Variants in RGS21 observed in about 807,000 individuals in gnomAD.
RGS21 encodes the protein regulator of G protein signaling 21.
A neutral mutation model predicts 18.7 loss-of-function variants in RGS21; 19 were observed. The ratio of observed to expected loss-of-function variants is 1.01; its 90% CI spans 0.71 to 1.49. The LOEUF (loss-of-function observed/expected upper bound fraction) is 1.49, where lower values mean the gene tolerates loss of function less well. Ranked by LOEUF, RGS21 falls within the 40% of genes most tolerant of loss-of-function variation. RGS21 has a pLI of 0.00. For missense variants in RGS21, 194 were observed against 176.8 expected (o/e 1.10, Z -0.55); for synonymous variants, 56 against 57.8 (o/e 0.97, Z 0.14).
At chr1:192,351,326 T>A (rs1436051026) in intron 3 of RGS21, among the ~76,000 whole-genome samples, 2 of 152,080 alleles carry the variant, frequency 1.3e-5, no homozygotes, top group Admixed American at 1.3e-4. Context: ...TGAGATCGAG[T>A]TGGCCTATAT....
At chr1:192,318,304 T>C (rs1557971987) in intron 1 of RGS21, among the ~76,000 whole-genome samples, 1 of 152,100 alleles carries the variant, frequency 6.6e-6, no homozygotes, top group Non-Finnish European at 1.5e-5. Context: ...AGTAACACTA[T>C]TAATTACTTC....
chr1:192,348,663 T>A (rs1373180423), intron 3 of RGS21, among the ~76,000 whole-genome samples: 3 of 152,128 alleles, frequency 2.0e-5, no homozygotes, highest in Non-Finnish European at 4.4e-5. Flanking sequence ...TATAAAATAA[T>A]CATTTACAAA....
chr1:192,362,253 A>G (rs1416459739), intron 4 of RGS21, among the ~76,000 whole-genome samples: 1 of 152,132 alleles, frequency 6.6e-6, no homozygotes, highest in Non-Finnish European at 1.5e-5. Context: ...GGTAAAACTG[A>G]TTTAGTAATA....
At chr1:192,319,541 C>T (rs1028448632) in intron 1 of RGS21, among the ~76,000 whole-genome samples, 1 of 151,892 alleles carries the variant, frequency 6.6e-6, no homozygotes, top group African/African-American at 2.4e-5. Context: ...GCAACCTTAC[C>T]TCCATATTTT....
intron 1 of RGS21, among the ~76,000 whole-genome samples, chr1:192,329,025 AT>A (rs531445599): frequency 2.6e-5 from 4 of 151,938 alleles, no homozygotes; most frequent in East Asian, 1.9e-4. Context: ...TCCCATGAGA[AT>A]TTTTTTTCTT....
chr1:192,366,363 T>C lies in RGS21; in HGVS notation c.*239T>C. On this transcript the variant is annotated 3_prime_UTR_variant, in exon 5 of 5. Coordinates refer to ENST00000417209, the MANE Select transcript of RGS21 (RefSeq NM_001039152.3). ...ACAAAGAAAGTTTATAGAGATACAA[T>C]ATAGTCTTAAACCAAAACTGAATAT... 7.8e-6 allele frequency: 3 copies of C among 385,420 alleles called. No individual in the cohort carries two copies. Among genetic ancestry groups the C allele is most frequent in the Non-Finnish European group, 1.4e-5 (3 of 214,458 alleles). 23.9% of individuals were successfully genotyped at this position (385,420 alleles called of 1,614,324 possible).
intron 4 of RGS21, among the ~76,000 whole-genome samples, chr1:192,364,951 G>C (rs1010174401): frequency 6.6e-6 from 1 of 151,910 alleles, no homozygotes; most frequent in Non-Finnish European, 1.5e-5. Flanking sequence ...TGGCCAACAT[G>C]GTGAAACCCC....
chr1:192,340,593 C>T (rs1255447014), intron 1 of RGS21, among the ~76,000 whole-genome samples: 1 of 152,074 alleles, frequency 6.6e-6, no homozygotes, highest in African/African-American at 2.4e-5. Context: ...AACTTACTTG[C>T]TTAAACAATA....
At chr1:192,360,876 G>C (rs983881704) in intron 4 of RGS21, among the ~76,000 whole-genome samples, 1 of 151,950 alleles carries the variant, frequency 6.6e-6, no homozygotes, top group South Asian at 2.1e-4. Flanking sequence ...CCTTAGGGAC[G>C]CAATTTTTTT....
At chr1:192,339,881 A>T (rs1658831410) in intron 1 of RGS21, among the ~76,000 whole-genome samples, 1 of 151,676 alleles carries the variant, frequency 6.6e-6, no homozygotes, top group Admixed American at 6.6e-5. Context: ...AATACCTTCT[A>T]TGATTCTGCT....
intron 4 of RGS21, among the ~76,000 whole-genome samples, chr1:192,359,398 C>A (rs1321480003): frequency 6.6e-6 from 1 of 151,960 alleles, no homozygotes; most frequent in Admixed American, 6.6e-5. Context: ...ATGCAAATGG[C>A]AAGTATGAGT....
intron 3 of RGS21, 77 bp downstream of exon 3, chr1:192,347,466 T>A: frequency 1.4e-6 from 1 of 727,574 alleles, no homozygotes; most frequent in Non-Finnish European, 2.4e-6. Flanking sequence ...TGGTAACATA[T>A]CATAAAGTAT....
chr1:192,348,101 C>T (rs1658982594), intron 3 of RGS21, among the ~76,000 whole-genome samples: 1 of 151,216 alleles, frequency 6.6e-6, no homozygotes, highest in East Asian at 1.9e-4. Flanking sequence ...TCTCTGCTCA[C>T]TGCAACCTCT....
intron 2 of RGS21, among the ~76,000 whole-genome samples, chr1:192,345,004 A>G (rs575332750): frequency 5.9e-5 from 9 of 151,940 alleles, no homozygotes; most frequent in African/African-American, 1.9e-4. Context: ...AATTCAAAAC[A>G]TTAGGAATTT....
chr1:192,365,593 A>G (rs974795703), intron 4 of RGS21, among the ~76,000 whole-genome samples: 1 of 152,180 alleles, frequency 6.6e-6, no homozygotes, highest in East Asian at 1.9e-4. Flanking sequence ...TTAAGTACTC[A>G]GTTCAAAGTG....
At position 192,351,440 on chromosome 1, in the gene RGS21, T is replaced by C. The variant is rs190838199; in HGVS notation, c.89-607T>C. On this transcript the variant is annotated intron_variant, in intron 3 of 4. Coordinates refer to ENST00000417209, the MANE Select transcript of RGS21 (RefSeq NM_001039152.3). Reference sequence around the variant, plus strand: ...CAGACTTTGTTTCTGCACCAACTTATAGCAACAAAGATATTCTTACCCTGA... The same window carrying C: ...CAGACTTTGTTTCTGCACCAACTTACAGCAACAAAGATATTCTTACCCTGA... Among the ~76,000 whole-genome samples the C allele has an allele frequency of 6.6e-5, 10 of 152,132 alleles. No individual in the cohort carries two copies. The South Asian group carries it at 1.2e-3, about 19-fold the overall frequency.
intron 1 of RGS21, among the ~76,000 whole-genome samples, chr1:192,335,133 ATTCTT>A (rs2102226760): frequency 6.6e-6 from 1 of 152,242 alleles, no homozygotes; most frequent in East Asian, 1.9e-4. Flanking sequence ...TGCTACTTTT[ATTCTT>A]TTGTTGCAGC....
At chr1:192,336,566 C>T (rs1158982040) in intron 1 of RGS21, among the ~76,000 whole-genome samples, 1 of 152,118 alleles carries the variant, frequency 6.6e-6, no homozygotes, top group Non-Finnish European at 1.5e-5. Flanking sequence ...TAGATGACTT[C>T]CTGCCTTCTT....
chr1:192,362,932 G>A (rs1659205907), intron 4 of RGS21, among the ~76,000 whole-genome samples: 1 of 151,876 alleles, frequency 6.6e-6, no homozygotes, highest in Non-Finnish European at 1.5e-5. Context: ...TATCATCTTA[G>A]CAATGCAAAA....
Sources: gnomAD v4.1 joint callset for allele counts (sites outside exome capture counted in the v4.1 genomes callset) on GRCh38, gnomAD v4.1.1 for gene constraint, MANE v1.5 for transcripts, NCBI Gene and HGNC (gene_info 2026-07-23, HGNC 2026-07-21) for gene names.